The following BCL2L12 variants were observed in gnomAD, a reference collection of about 807,000 sequenced individuals.
The protein encoded by BCL2L12 is BCL2 like 12, also known as bcl-2-like protein 12.
Under a neutral mutation model 25.7 loss-of-function variants are expected in BCL2L12, and 27 were observed. The ratio of observed to expected loss-of-function variants is 1.05; its 90% confidence interval spans 0.78 to 1.45. BCL2L12 has a LOEUF of 1.45. Ranked by LOEUF, BCL2L12 falls within the 40% of genes most tolerant of loss-of-function variation. The probability of loss-of-function intolerance (pLI) is 0.00; values close to 1 mark genes in which losing one functional copy is unlikely to be tolerated. For synonymous variants in BCL2L12, 132 were observed against 145.6 expected (o/e 0.91, Z 0.67); for missense variants, 302 against 329.8 (o/e 0.92, Z 0.65).
intron 6 of BCL2L12, among the ~76,000 whole-genome samples, 176 bp from the exon 7 acceptor site, chr19:49,673,522 C>T (rs1286264576): frequency 6.6e-6 from 1 of 152,110 alleles, no homozygotes; most frequent in Non-Finnish European, 1.5e-5. Context: ...AGGACCCTGC[C>T]CCCTCATCCC....
upstream of BCL2L12, chr19:49,665,656 G>T: frequency 2.3e-6 from 2 of 863,080 alleles, no homozygotes; most frequent in Non-Finnish European, 3.5e-6. Flanking sequence ...GGGGCGTGCG[G>T]GCAGCTGGAA....
At chr19:49,669,177 G>A (rs117005178) in intron 5 of BCL2L12, 62 bp downstream of exon 5, 37,825 of 1,587,372 alleles carry the variant, frequency 0.024, 574 homozygotes, top group Non-Finnish European at 0.028. Flanking sequence ...GGGGCACTGG[G>A]ATCAGAAGCT....
rs560898780 is a variant in BCL2L12, at chr19:49,666,018, G to A, written c.-58G>A. The A allele has an allele frequency of 1.9e-6, 3 of 1,581,780 alleles. No homozygotes were observed. Among genetic ancestry groups the A allele is most frequent in the African/African-American group, 1.3e-5 (1 of 74,352 alleles). On this transcript the variant is annotated 5_prime_UTR_variant, in exon 1 of 7. Coordinates refer to ENST00000246784, the MANE Select transcript of BCL2L12 (RefSeq NM_138639.2). ...TAATAAAGTTTGTACGAGTTCAGTG[G>A]AGGAGACCGCAAGTTGAGTGGAGGA...
intron 2 of BCL2L12, 74 bp from the exon 3 acceptor site, chr19:49,666,945 G>C (rs879658055): frequency 4.9e-5 from 77 of 1,565,890 alleles, no homozygotes; most frequent in Non-Finnish European, 6.4e-5. Flanking sequence ...CAGCGGGGGA[G>C]GGAGGGAGTT....
Position 49,666,026 on chromosome 19 carries a change from C to CCCA in BCL2L12, c.-50_-49insCCA. ...TTTGTACGAGTTCAGTGGAGGAGAC[C>CCCA]GCAAGTTGAGTGGAGGAGGCGGCGG... is the stretch of plus-strand genomic sequence containing the variant. On this transcript the variant is annotated 5_prime_UTR_variant, in exon 1 of 7. Transcript: ENST00000246784. 6.4e-7 allele frequency: 1 copy of CCCA among 1,574,318 alleles called. No homozygotes were observed. Among genetic ancestry groups the CCCA allele is most frequent in the Non-Finnish European group, 8.6e-7 (1 of 1,157,992 alleles).
chr19:49,670,847 A>G (rs2122863633), intron 6 of BCL2L12, among the ~76,000 whole-genome samples: 1 of 152,186 alleles, frequency 6.6e-6, no homozygotes, highest in South Asian at 2.1e-4. Context: ...GTAAGACCCC[A>G]TCTCTACAAA....
chr19:49,666,172 G>A, intron 1 of BCL2L12, 105 bp downstream of exon 1: 1 of 1,392,560 alleles, frequency 7.2e-7, no homozygotes, highest in Non-Finnish European at 9.6e-7. Context: ...AAGGGTCCAG[G>A]GTCCTCTAGA....
Position 49,673,884 on chromosome 19 carries a change from T to A in BCL2L12, c.*136T>A. The A allele has an allele frequency of 2.1e-6, 2 of 954,938 alleles. No homozygotes were observed. The highest frequency in any genetic ancestry group is 1.7e-5 in the South Asian group (1 of 57,976). The allele number at this position is 954,938 out of a possible 1,614,324, so 59.2% of individuals were successfully genotyped here. A position where few individuals can be genotyped will look rare whatever the true frequency, so the allele number is the denominator to read the frequency against. The stretch of plus-strand genomic sequence containing the variant: ...CTGTTTTTGCCAAAAATAAATTGTT[T>A]AAAACTTTTCTTATTAAAAACGTTA... On this transcript the variant is annotated 3_prime_UTR_variant, in exon 7 of 7. Transcript: ENST00000246784.
Position 49,673,738 on chromosome 19 carries a change from C to G in BCL2L12, c.743C>G (p.Pro248Arg). The change falls in exon 7 of 7, where the codon CCA (proline) becomes CGA (arginine). Residue 248 changes from proline (P) to arginine (R), a missense_variant. By Grantham distance (103) the Pro-to-Arg change is moderately radical. Transcript: ENST00000246784. Reference protein sequence around the residue: ...LAVSPVDLNLPLD With the variant: ...LAVSPVDLNLRLD ...GTTTCACCCGTGGACTTGAACTTGC[C>G]ATTGGACTGAGCTCTTTCTCAGAAG... 1.2e-6 allele frequency: 2 copies of G among 1,614,162 alleles called. No homozygotes were observed. The highest frequency in any genetic ancestry group is 1.7e-6 in the Non-Finnish European group (2 of 1,180,020).
At chr19:49,666,498 A>G (rs1214287819) in intron 1 of BCL2L12, among the ~76,000 whole-genome samples, 187 bp from the exon 2 acceptor site, 2 of 152,054 alleles carry the variant, frequency 1.3e-5, no homozygotes, top group African/African-American at 2.4e-5. Flanking sequence ...CCTTGGATCG[A>G]AGAGTCTTTT....
chr19:49,670,255 C>A lies in BCL2L12; in HGVS notation c.469C>A (p.Leu157Met). Residue 157 changes from leucine to methionine, a missense_variant, in exon 6 of 7, where the codon CTG becomes ATG. By Grantham distance (15) the Leu-to-Met change is conservative. Coordinates refer to ENST00000246784, the MANE Select transcript of BCL2L12 (RefSeq NM_138639.2). ...DPALRSKLVR[L>M]SSDSFARLVE... ...CGCCCTGCGCAGCAAGCTGGTCCGC[C>A]TGTCCTCCGACTCTTTCGCCCGCCT... 6.2e-7 allele frequency: 1 copy of A among 1,609,958 alleles called. No individual in the cohort carries two copies.
chr19:49,673,673 G>C, intron 6 of BCL2L12, 25 bp from the exon 7 acceptor site: 3 of 1,601,296 alleles, frequency 1.9e-6, no homozygotes, highest in South Asian at 1.1e-5. Context: ...CCTGCTCACA[G>C]GGCTCTGCCA....
Position 49,666,085 on chromosome 19 carries a change from G to T in BCL2L12, c.-9+18G>T. On this transcript the variant is annotated intron_variant, in intron 1 of 6. Transcript: ENST00000246784. ...CGGACCAGGTCAGCGGGGTGTTGAC[G>T]AGGGGTGGGGTGAGGAGGGAAGAGG... is the stretch of plus-strand genomic sequence containing the variant. The T allele has an allele frequency of 6.5e-7, 1 of 1,537,206 alleles. No individual in the cohort carries two copies. Among genetic ancestry groups the T allele is most frequent in the African/African-American group, 1.4e-5 (1 of 72,714 alleles).
intron 6 of BCL2L12, among the ~76,000 whole-genome samples, chr19:49,671,177 T>C (rs2081954831): frequency 7.6e-6 from 1 of 132,032 alleles, no homozygotes; most frequent in Admixed American, 7.8e-5. Flanking sequence ...AATAATATAA[T>C]AAAAACCTGG....
rs1322076456 is a variant in BCL2L12 at position 49,672,420 on chromosome 19, G to A, written c.703-1278G>A. Among the ~76,000 whole-genome samples, 2 of 152,226 alleles carry A rather than the reference G, an allele frequency of 1.3e-5. No individual in the cohort carries two copies. Among genetic ancestry groups the A allele is most frequent in the Non-Finnish European group, 2.9e-5 (2 of 68,036 alleles). ...GGGCCAGCCAGGACCCTGTGGTCAC[G>A]GTGAGTGACAACTCGGACTTTGACT... On this transcript the variant is annotated intron_variant, in intron 6 of 6. Transcript: ENST00000246784. The surrounding 1 kb of genome is among the most constrained non-coding windows in gnomAD (Gnocchi z 4.1).
chr19:49,666,645 T>A lies in BCL2L12; in HGVS notation c.-8-40T>A, dbSNP rs957523496. On this transcript the variant is annotated intron_variant, in intron 1 of 6. Transcript: ENST00000246784. ...TGGTCCCCAAGCCTCCACTTCTTGCTAAACCCTTGGAGTCCAGTCCCTAAC... is the reference window on the plus strand; with the variant it reads ...TGGTCCCCAAGCCTCCACTTCTTGCAAAACCCTTGGAGTCCAGTCCCTAAC... 25 of 1,484,090 alleles carry A rather than the reference T, an allele frequency of 1.7e-5. No individual in the cohort carries two copies. The Middle Eastern group carries it at 7.4e-4, about 44-fold the overall frequency. 91.9% of individuals were successfully genotyped at this position (1,484,090 alleles called of 1,614,324 possible).
rs771136296 is a variant in BCL2L12, at chr19:49,667,159, C to G, written c.248C>G (p.Pro83Arg). 1.6e-5 allele frequency: 26 copies of G among 1,610,342 alleles called. No homozygotes were observed. In the Middle Eastern group the frequency reaches 1.3e-3, roughly 82 times the overall value. ...LPIRPCYGLE[P>R]GPATPDFYAL... ...ATCCGCCCCTGCTATGGTTTAGAGCCTGGTAAGAGATTTCCATGATCATCT... is the reference window on the plus strand; with the variant it reads ...ATCCGCCCCTGCTATGGTTTAGAGCGTGGTAAGAGATTTCCATGATCATCT... The change falls in exon 3 of 7, where the codon CCT becomes CGT. Residue 83 changes from proline to arginine, a missense_variant and splice_region_variant. By Grantham distance (103) the Pro-to-Arg change is moderately radical. Coordinates refer to ENST00000246784, the MANE Select transcript of BCL2L12 (RefSeq NM_138639.2).
At chr19:49,666,123 T>A in intron 1 of BCL2L12, 56 bp downstream of exon 1, 1 of 1,511,594 alleles carries the variant, frequency 6.6e-7, no homozygotes, top group South Asian at 1.2e-5. Flanking sequence ...GGGGCCGGGA[T>A]CCAGTGGTGG....
At chr19:49,665,619 C>G, upstream of BCL2L12, 1 of 633,236 alleles carries the variant, frequency 1.6e-6, no homozygotes, top group Non-Finnish European at 2.7e-6. Flanking sequence ...CTCCCGGGCT[C>G]TTCCGCGTTA....
Sources: allele counts gnomAD v4.1 joint callset (sites outside exome capture counted in the v4.1 genomes callset), GRCh38; gene constraint gnomAD v4.1.1; non-coding constraint Gnocchi (gnomAD v3.1); transcripts MANE v1.5; gene names NCBI Gene and HGNC (gene_info 2026-07-23, HGNC 2026-07-21).